MTFMT: variants seen among roughly 807,000 people sequenced by gnomAD.
MTFMT encodes methionyl-tRNA formyltransferase, mitochondrial.
In MTFMT, 47 loss-of-function variants were observed where a neutral mutation model predicts 51.8. The ratio of observed to expected loss-of-function variants is 0.91; its 90% CI spans 0.72 to 1.16. MTFMT has a LOEUF of 1.16. Ranked by LOEUF, MTFMT falls within the 50% of genes most tolerant of loss-of-function variation. The pLI is 0.00. For missense variants in MTFMT, 512 were observed against 482.3 expected (o/e 1.06, Z -0.58); for synonymous variants, 196 against 176.7 (o/e 1.11, Z -0.87).
intron 6 of MTFMT, among the ~76,000 whole-genome samples, chr15:65,012,234 CCAACA>C (rs1404727181): frequency 3.4e-5 from 5 of 148,808 alleles, no homozygotes; most frequent in Admixed American, 1.3e-4. Context: ...GTACAGCACA[CCAACA>C]TGGCACATGT....
At position 65,022,705 on chromosome 15, in the gene MTFMT, A is replaced by ATT. The variant is rs35591836; in HGVS notation, c.542+965_542+966dup. 1.7e-3 allele frequency among the ~76,000 whole-genome samples: 224 copies of ATT among 134,656 alleles called. 2 individuals carry two copies. The highest frequency in any genetic ancestry group is 3.8e-3 in the African/African-American group (139 of 36,534). The allele number at this position is 134,656 out of a possible 152,430, so 88.3% of individuals were successfully genotyped here. On this transcript the variant is annotated intron_variant, in intron 3 of 8. Coordinates refer to ENST00000220058, the MANE Select transcript of MTFMT (RefSeq NM_139242.4). ...GAATCATCATATACACATCATTCAGATTTTTTTTTTTTTTTTTTTGAGACA... is the reference window on the plus strand; with the variant it reads ...GAATCATCATATACACATCATTCAGATTTTTTTTTTTTTTTTTTTTTGAGACA...
chr15:65,004,391 G>C (rs1019752806), intron 8 of MTFMT, among the ~76,000 whole-genome samples: 2 of 152,098 alleles, frequency 1.3e-5, no homozygotes, highest in Admixed American at 1.3e-4. Flanking sequence ...AAGGAATGTA[G>C]AACACTTCTC....
At chr15:65,018,241 C>T (rs1307080413) in intron 5 of MTFMT, among the ~76,000 whole-genome samples, 1 of 150,726 alleles carries the variant, frequency 6.6e-6, no homozygotes, top group Non-Finnish European at 1.5e-5. Context: ...TAATCATTAC[C>T]AGGAAGTTTT....
At position 65,029,414 on chromosome 15, in the gene MTFMT, TGCAGCGCCC is replaced by T; in HGVS notation, c.191_199del (p.Arg64_Leu66del). 2 of 1,497,080 alleles carry T rather than the reference TGCAGCGCCC, an allele frequency of 1.3e-6. No homozygotes were observed. The highest frequency in any genetic ancestry group is 1.8e-6 in the Non-Finnish European group (2 of 1,124,652). The allele number at this position is 1,497,080 out of a possible 1,614,324, so 92.7% of individuals were successfully genotyped here. On this transcript the variant is annotated inframe_deletion, in exon 1 of 9. Transcript: ENST00000220058. ...TCCCTGGCCCGGGTACCTGGCGGCG[TGCAGCGCCC>T]GCAGCGCCTCGCGGGCGAACTGGTC...
chr15:65,009,238 C>T (rs79503772), intron 6 of MTFMT, among the ~76,000 whole-genome samples: 270 of 152,246 alleles, frequency 1.8e-3, no homozygotes, highest in African/African-American at 6.1e-3. Context: ...GAAGATAAAC[C>T]GCAGAGGGTA....
intron 1 of MTFMT, among the ~76,000 whole-genome samples, chr15:65,027,542 G>T (rs931467265): frequency 6.6e-6 from 1 of 152,148 alleles, no homozygotes; most frequent in African/African-American, 2.4e-5. Context: ...AAAATGTAAA[G>T]AGTGACACGT....
chr15:65,029,185 G>T, intron 1 of MTFMT: 1 of 829,890 alleles, frequency 1.2e-6, no homozygotes, highest in Non-Finnish European at 1.5e-6. Flanking sequence ...CACAGAGGCG[G>T]CGGGGAGTGA....
intron 2 of MTFMT, among the ~76,000 whole-genome samples, chr15:65,025,223 C>T (rs1263469020): frequency 4.4e-5 from 6 of 136,606 alleles, no homozygotes; most frequent in Non-Finnish European, 7.8e-5. Flanking sequence ...AGCGAGATCC[C>T]TGTCTCTAAA....
intron 7 of MTFMT, among the ~76,000 whole-genome samples, chr15:65,005,273 G>C (rs2086212692): frequency 6.6e-6 from 1 of 152,142 alleles, no homozygotes; most frequent in Non-Finnish European, 1.5e-5. Context: ...ATTTAGGCTG[G>C]CCCTTTCATC....
In MTFMT at chr15:65,004,887, G is replaced by A. The variant is rs771376429; in HGVS notation, c.942C>T (p.His314=). The A allele has an allele frequency of 2.5e-6, 4 of 1,610,210 alleles. No homozygotes were observed. The highest frequency in any genetic ancestry group is 1.1e-5 in the South Asian group (1 of 90,294). ...AAACCAATAGTATTTGTGACTGTTT[G>A]TGGTATATTACTGATCCTGGAATAA... ...QALIPGSVIY[H]KQSQILLVYC... Residue 314 remains histidine (H), a synonymous_variant, in exon 8 of 9, where the codon CAC becomes CAT. Coordinates refer to ENST00000220058, the MANE Select transcript of MTFMT (RefSeq NM_139242.4).
Position 65,016,428 on chromosome 15 carries a change from C to A in MTFMT, c.813+8G>T. ...TAGGTAGAACTGCAACCTGACTTCC[C>A]AACTTACTATATTTCCAATGGCACG... On this transcript the variant is annotated splice_region_variant and intron_variant, in intron 6 of 8. Coordinates refer to ENST00000220058, the MANE Select transcript of MTFMT (RefSeq NM_139242.4). The A allele has an allele frequency of 6.3e-6, 10 of 1,581,494 alleles. No individual in the cohort carries two copies. Among genetic ancestry groups the A allele is most frequent in the Non-Finnish European group, 8.6e-6 (10 of 1,157,888 alleles).
intron 5 of MTFMT, 50 bp downstream of exon 5, chr15:65,020,147 T>A: frequency 2.0e-6 from 3 of 1,530,370 alleles, no homozygotes; most frequent in Non-Finnish European, 2.7e-6. Context: ...GATGCTATCG[T>A]GACAAGCAGA....
At chr15:65,019,095 A>G (rs1401861989) in intron 5 of MTFMT, among the ~76,000 whole-genome samples, 1 of 152,228 alleles carries the variant, frequency 6.6e-6, no homozygotes, top group Non-Finnish European at 1.5e-5. Context: ...GTTGTTAGGG[A>G]ACAGGATATC....
At chr15:65,006,734 T>C (rs1595888080) in intron 6 of MTFMT, among the ~76,000 whole-genome samples, 1 of 152,286 alleles carries the variant, frequency 6.6e-6, no homozygotes, top group East Asian at 1.9e-4. Context: ...TATACTAATA[T>C]TTCCAATTAA....
Position 65,026,931 on chromosome 15 carries a change from C to G in MTFMT, c.319G>C (p.Val107Leu), listed in dbSNP as rs560922976. The change falls in exon 2 of 9, where the codon GTA becomes CTA. Residue 107 changes from valine to leucine, a missense_variant. Coordinates refer to ENST00000220058, the MANE Select transcript of MTFMT (RefSeq NM_139242.4). ...GATCCCACATCCGGCCACTCATATACGGGAAGCTGAGACTGCACAGCATAT... is the reference window on the plus strand; with the variant it reads ...GATCCCACATCCGGCCACTCATATAGGGGAAGCTGAGACTGCACAGCATAT... ...KQYAVQSQLP[V>L]YEWPDVGSGE... The G allele has an allele frequency of 6.2e-7, 1 of 1,613,964 alleles. No homozygotes were observed. Among genetic ancestry groups the G allele is most frequent in the East Asian group, 2.2e-5 (1 of 44,878 alleles).
intron 8 of MTFMT, among the ~76,000 whole-genome samples, chr15:65,003,845 C>T (rs1416433636): frequency 2.5e-5 from 1 of 40,632 alleles, no homozygotes; most frequent in African/African-American, 9.0e-5. Context: ...AACTCCATCT[C>T]AAAAAAAAAA....
At chr15:65,028,826 T>G (rs2086452450) in intron 1 of MTFMT, among the ~76,000 whole-genome samples, 1 of 152,232 alleles carries the variant, frequency 6.6e-6, no homozygotes. Flanking sequence ...TTATGAATAC[T>G]AAATGTATAC....
In MTFMT at chr15:65,029,554, C is replaced by T. The variant is rs1458203848; in HGVS notation, c.60G>A (p.Gly20=). 16 of 1,506,564 alleles carry T rather than the reference C, an allele frequency of 1.1e-5. No homozygotes were observed. Among genetic ancestry groups the T allele is most frequent in the Middle Eastern group, 2.0e-4 (1 of 5,040 alleles). 93.3% of individuals were successfully genotyped at this position (1,506,564 alleles called of 1,614,324 possible). A position where few individuals can be genotyped will look rare whatever the true frequency, so the allele number is the denominator to read the frequency against. ...GTGCTCGCCACTGGGGACTCGGCCT[C>T]CCACGCCTGGCGCCATGAGCCAGCG... ...GPPLAHGARR[G]RPSPQWRALA... The change falls in exon 1 of 9, where the codon GGG becomes GGA. Residue 20 remains glycine, a synonymous_variant. Coordinates refer to ENST00000220058, the MANE Select transcript of MTFMT (RefSeq NM_139242.4).
rs763482173 is a variant in MTFMT, at chr15:65,003,065, C to G, written c.1167G>C (p.Glu389Asp). The G allele has an allele frequency of 5.8e-6, 9 of 1,558,944 alleles. No homozygotes were observed. The highest frequency in any genetic ancestry group is 2.3e-5 in the East Asian group (1 of 43,774). ...KKTVAMQQCI[E>D] ...TTTTTATCCATCTTCTTCCTAACTA[C>G]TCAATGCATTGTTGCATAGCAACAG... The change falls in exon 9 of 9, where the codon GAG becomes GAC. Residue 389 changes from glutamate to aspartate, a missense_variant. Transcript: ENST00000220058.
Sources: gnomAD v4.1 joint callset for allele counts (sites outside exome capture counted in the v4.1 genomes callset) on GRCh38, gnomAD v4.1.1 for gene constraint, MANE v1.5 for transcripts, NCBI Gene and HGNC (gene_info 2026-07-23, HGNC 2026-07-21) for gene names.